The following PDE4D variants were observed in gnomAD, a reference collection of about 807,000 sequenced individuals.
The protein encoded by PDE4D is 3',5'-cyclic-AMP phosphodiesterase 4D.
In PDE4D, 24 loss-of-function variants were observed where a neutral mutation model predicts 87.4. The ratio of observed to expected loss-of-function variants is 0.27; its 90% CI spans 0.20 to 0.39. The LOEUF (loss-of-function observed/expected upper bound fraction) is 0.39, where lower values mean the gene tolerates loss of function less well. Ranked by LOEUF, PDE4D falls within the 10% of genes least tolerant of loss-of-function variation. The pLI is 1.00. For synonymous variants in PDE4D, 384 were observed against 383.2 expected, an observed-to-expected ratio of 1.00 and a Z score of -0.02; for missense variants, 714 against 1,041.0, an observed-to-expected ratio of 0.69 and a Z score of 4.32.
At chr5:60,212,711 A>C (rs1743392332) in intron 1 of PDE4D, among the ~76,000 whole-genome samples, 1 of 152,208 alleles carries the variant, frequency 6.6e-6, no homozygotes, top group Admixed American at 6.5e-5. Flanking sequence ...TCCCCACTGC[A>C]CTTAAAGTTG....
At chr5:60,277,855 A>G (rs1357224866) in intron 1 of PDE4D, among the ~76,000 whole-genome samples, 1 of 152,170 alleles carries the variant, frequency 6.6e-6, no homozygotes. Context: ...ACCTCTTTGA[A>G]CGTCCCTTTA....
At chr5:58,998,704 G>T (rs534737502) in intron 6 of PDE4D, among the ~76,000 whole-genome samples, 2 of 152,216 alleles carry the variant, frequency 1.3e-5, no homozygotes, top group Admixed American at 6.5e-5. Flanking sequence ...AACAGAAAAT[G>T]AATCTTTTAA....
chr5:59,918,347 T>C (rs1320102881), intron 3 of PDE4D, among the ~76,000 whole-genome samples: 1 of 152,182 alleles, frequency 6.6e-6, no homozygotes, highest in East Asian at 1.9e-4. Flanking sequence ...TCTGGAAACC[T>C]TTCAAATGAT....
chr5:59,443,357 C>A (rs935588486), intron 1 of PDE4D, among the ~76,000 whole-genome samples: 2 of 152,122 alleles, frequency 1.3e-5, no homozygotes, highest in African/African-American at 4.8e-5. Context: ...ATAAAGACAG[C>A]AAATGTTATA....
At chr5:59,703,806 A>G in intron 1 of PDE4D, 1 of 275,836 alleles carries the variant, frequency 3.6e-6, no homozygotes, top group Non-Finnish European at 7.6e-6. Flanking sequence ...CAACATACAT[A>G]CATTCAAGAA....
intron 1 of PDE4D, among the ~76,000 whole-genome samples, chr5:59,403,931 G>C (rs1292532776): frequency 6.6e-6 from 1 of 152,190 alleles, no homozygotes; most frequent in African/African-American, 2.4e-5. Flanking sequence ...AAGTGTAGGA[G>C]TGTTCTCTTT....
chr5:60,434,674 G>A (rs1744625021), intron 1 of PDE4D, among the ~76,000 whole-genome samples: 1 of 152,056 alleles, frequency 6.6e-6, no homozygotes, highest in South Asian at 2.1e-4. Context: ...CATCCTAATG[G>A]TTTTTAGTTG....
chr5:59,394,796 T>G (rs978210773), intron 1 of PDE4D, among the ~76,000 whole-genome samples: 5 of 152,114 alleles, frequency 3.3e-5, no homozygotes, highest in Admixed American at 3.3e-4. Context: ...AGACAGGTGA[T>G]TTCTGCATTT....
chr5:59,779,962 G>A (rs918129952), intron 1 of PDE4D, among the ~76,000 whole-genome samples: 5 of 152,138 alleles, frequency 3.3e-5, no homozygotes, highest in African/African-American at 1.2e-4. Context: ...GAGATCCCAC[G>A]TTTTTTCCTC....
Position 58,972,882 on chromosome 5 carries a change from T to TAATA in PDE4D, c.*1778_*1781dup, listed in dbSNP as rs66487103. ...TATTTAACCAGAATTTTTACCAATA[T>TAATA]AATAAATATTTTAGGATGCATCACA... is the stretch of plus-strand genomic sequence containing the variant. On this transcript the variant is annotated 3_prime_UTR_variant, in exon 15 of 15. Transcript: ENST00000340635. The TAATA allele has an allele frequency of 6.6e-6, 1 of 151,956 alleles. No individual in the cohort carries two copies. Among genetic ancestry groups the TAATA allele is most frequent in the Non-Finnish European group, 1.5e-5 (1 of 67,984 alleles). 9.4% of individuals were successfully genotyped at this position (151,956 alleles called of 1,614,324 possible). A position where few individuals can be genotyped will look rare whatever the true frequency, so the allele number is the denominator to read the frequency against.
rs555196744 is a variant in PDE4D, at chr5:59,089,071, G to A, written c.809-50100C>T. Among the ~76,000 whole-genome samples, 4 of 152,330 alleles carry A rather than the reference G, an allele frequency of 2.6e-5. No homozygotes were observed. The East Asian group carries it at 7.7e-4, about 29-fold the overall frequency. On this transcript the variant is annotated intron_variant, in intron 5 of 14. Transcript: ENST00000340635. ...TAGCCTTATTACGCCTTTAGGGAAT[G>A]GAGCAATGCCTTGCCTATTAATCTA...
chr5:59,044,492 T>G (rs2153398800), intron 5 of PDE4D, among the ~76,000 whole-genome samples: 1 of 152,362 alleles, frequency 6.6e-6, no homozygotes, highest in Middle Eastern at 3.4e-3. Flanking sequence ...AAAAAATGAT[T>G]TCTGTTTCAC....
At chr5:59,143,457 C>T (rs115268352) in intron 5 of PDE4D, among the ~76,000 whole-genome samples, 2,456 of 152,102 alleles carry the variant, frequency 0.016, 37 homozygotes, top group Admixed American at 0.026. Context: ...TCAGCCTGAC[C>T]CAGTCTGGAC....
chr5:59,089,386 G>T (rs1161153499), intron 5 of PDE4D, among the ~76,000 whole-genome samples: 2 of 152,224 alleles, frequency 1.3e-5, no homozygotes, highest in South Asian at 2.1e-4. Context: ...AGGATTATTT[G>T]ATTTTTATTT....
At chr5:59,691,461 A>C (rs937644190) in intron 1 of PDE4D, among the ~76,000 whole-genome samples, 1 of 151,632 alleles carries the variant, frequency 6.6e-6, no homozygotes, top group African/African-American at 2.4e-5. Flanking sequence ...TGAGCAAACT[A>C]TTGCAAGGAC....
At chr5:59,498,917 A>G (rs750520289) in intron 1 of PDE4D, among the ~76,000 whole-genome samples, 1 of 152,132 alleles carries the variant, frequency 6.6e-6, no homozygotes, top group Non-Finnish European at 1.5e-5. Context: ...TAGTTGGCCA[A>G]TTGGACCTAA....
At chr5:59,320,934 AT>A (rs1178278948) in intron 1 of PDE4D, among the ~76,000 whole-genome samples, 1 of 152,058 alleles carries the variant, frequency 6.6e-6, no homozygotes, top group Non-Finnish European at 1.5e-5. Context: ...TAAGTAATCT[AT>A]TTTTTCTATT....
At chr5:59,320,894 TTTG>T (rs777200460) in intron 1 of PDE4D, among the ~76,000 whole-genome samples, 16 of 152,152 alleles carry the variant, frequency 1.1e-4, no homozygotes, top group East Asian at 1.9e-4. Context: ...GTTGAAGCTT[TTTG>T]TTGTTTTCTC....
At chr5:59,156,331 A>ATATATATATATATATATATATATG (rs1384479557) in intron 5 of PDE4D, among the ~76,000 whole-genome samples, 1 of 122,758 alleles carries the variant, frequency 8.1e-6, no homozygotes, top group African/African-American at 3.4e-5. Context: ...ATATATATAT[A>ATATATATATATATATATATATATG]TGTGTGTGTG....
Sources: gnomAD v4.1 joint callset for allele counts (sites outside exome capture counted in the v4.1 genomes callset) on GRCh38, gnomAD v4.1.1 for gene constraint, MANE v1.5 for transcripts, NCBI Gene and HGNC (gene_info 2026-07-23, HGNC 2026-07-21) for gene names.